NTM: variants seen among roughly 807,000 people sequenced by gnomAD.
The protein encoded by NTM is neurotrimin, also known as IgLON family member 2.
NTM carries 13 observed loss-of-function variants against 42.1 expected under a neutral mutation model. The observed-to-expected ratio is 0.31, with a 90% CI of 0.20 to 0.49. The LOEUF (loss-of-function observed/expected upper bound fraction) is 0.49, where lower values mean the gene tolerates loss of function less well. NTM is among the 20% of genes least tolerant of loss of function. The probability of loss-of-function intolerance (pLI) is 0.99; values close to 1 mark genes in which losing one functional copy is unlikely to be tolerated. For missense variants in NTM, 373 were observed against 452.8 expected (o/e 0.82, Z 1.60); for synonymous variants, 187 against 179.2 (o/e 1.04, Z -0.35).
chr11:131,789,647 A>AGAAGAAGAAGAG (rs2090523747), intron 1 of NTM, among the ~76,000 whole-genome samples: 1 of 135,456 alleles, frequency 7.4e-6, no homozygotes, highest in African/African-American at 2.8e-5. Flanking sequence ...AAGAAGAAGA[A>AGAAGAAGAAGAG]GAAGAAGAAG....
chr11:132,327,992 T>C (rs1366699594), intron 7 of NTM, among the ~76,000 whole-genome samples: 2 of 152,080 alleles, frequency 1.3e-5, no homozygotes, highest in African/African-American at 4.8e-5. Flanking sequence ...TTTTCAGGGA[T>C]TGTTTATGTT....
intron 2 of NTM, among the ~76,000 whole-genome samples, chr11:131,929,506 C>T (rs142304575): frequency 7.1e-6 from 1 of 140,316 alleles, no homozygotes; most frequent in Non-Finnish European, 1.6e-5. Context: ...AAAAACTTTC[C>T]GTTTTTTTTG....
intron 2 of NTM, among the ~76,000 whole-genome samples, chr11:132,063,582 G>A (rs776840987): frequency 2.0e-4 from 30 of 152,156 alleles, no homozygotes; most frequent in African/African-American, 3.4e-4. Flanking sequence ...TACTGGAATC[G>A]TGTGTCTCCC....
At chr11:132,056,701 C>T (rs1237842143) in intron 2 of NTM, among the ~76,000 whole-genome samples, 1 of 152,202 alleles carries the variant, frequency 6.6e-6, no homozygotes, top group Non-Finnish European at 1.5e-5. Context: ...CCCACCTTGC[C>T]TGACAGTTTG....
At chr11:132,299,408 G>A (rs1274164519) in intron 4 of NTM, among the ~76,000 whole-genome samples, 2 of 152,170 alleles carry the variant, frequency 1.3e-5, no homozygotes, top group Non-Finnish European at 2.9e-5. Flanking sequence ...TGCAAAAGAA[G>A]GTATGGCAAG....
intron 1 of NTM, among the ~76,000 whole-genome samples, chr11:131,788,189 T>C (rs1283325268): frequency 6.6e-5 from 10 of 152,156 alleles, no homozygotes. Flanking sequence ...ATTTTGTTGT[T>C]CTTTCTGTAA....
intron 1 of NTM, among the ~76,000 whole-genome samples, chr11:131,798,233 C>T (rs780852370): frequency 1.3e-5 from 2 of 152,178 alleles, no homozygotes; most frequent in African/African-American, 2.4e-5. Context: ...CATGGGCTGC[C>T]GTCTGCAGGC....
chr11:131,495,268 C>T (rs1955218136), intron 1 of NTM, among the ~76,000 whole-genome samples: 1 of 152,176 alleles, frequency 6.6e-6, no homozygotes, highest in South Asian at 2.1e-4. Context: ...ATCCTGCTGT[C>T]GGTAGTCCTC....
chr11:131,465,577 G>A (rs1951805529), intron 1 of NTM, among the ~76,000 whole-genome samples: 1 of 152,154 alleles, frequency 6.6e-6, no homozygotes, highest in South Asian at 2.1e-4. Context: ...TGAGGCCTAA[G>A]CCCCTGGGAT....
intron 2 of NTM, among the ~76,000 whole-genome samples, chr11:132,042,896 C>G (rs2077393348): frequency 6.6e-6 from 1 of 152,032 alleles, no homozygotes; most frequent in African/African-American, 2.4e-5. Flanking sequence ...ATCTTATATC[C>G]CTGGTTTGTA....
intron 1 of NTM, among the ~76,000 whole-genome samples, chr11:131,528,257 T>C (rs2136642854): frequency 6.6e-6 from 1 of 152,298 alleles, no homozygotes; most frequent in Non-Finnish European, 1.5e-5. Flanking sequence ...TCAATAGAAT[T>C]CATGTAAGTT....
chr11:132,263,345 C>A (rs2092986077), intron 4 of NTM, among the ~76,000 whole-genome samples: 1 of 152,216 alleles, frequency 6.6e-6, no homozygotes, highest in African/African-American at 2.4e-5. Flanking sequence ...AAGAATTGCA[C>A]ACATTCATAG....
At chr11:132,023,840 A>T (rs2074767819) in intron 2 of NTM, among the ~76,000 whole-genome samples, 1 of 149,998 alleles carries the variant, frequency 6.7e-6, no homozygotes, top group Non-Finnish European at 1.5e-5. Flanking sequence ...TGTTGTTGAG[A>T]TGGAGTCTCA....
At chr11:132,249,260 G>A (rs567446854) in intron 4 of NTM, among the ~76,000 whole-genome samples, 5 of 152,208 alleles carry the variant, frequency 3.3e-5, no homozygotes, top group East Asian at 1.9e-4. Flanking sequence ...AAAATAAATC[G>A]TGTGTGTGTG....
intron 2 of NTM, among the ~76,000 whole-genome samples, chr11:132,131,688 G>C (rs1307782900): frequency 1.3e-5 from 2 of 152,162 alleles, no homozygotes; most frequent in African/African-American, 4.8e-5. Context: ...AACTCTTTGA[G>C]CTTCATCCTG....
At chr11:131,695,953 C>T (rs376191678) in intron 1 of NTM, among the ~76,000 whole-genome samples, 3 of 152,084 alleles carry the variant, frequency 2.0e-5, no homozygotes, top group African/African-American at 4.8e-5. Flanking sequence ...GTATGTGTGC[C>T]GCTCAAAGGA....
At chr11:132,023,305 ATGT>A (rs1229694459) in intron 2 of NTM, among the ~76,000 whole-genome samples, 2 of 152,214 alleles carry the variant, frequency 1.3e-5, no homozygotes, top group African/African-American at 4.8e-5. Context: ...AGCCAAAATA[ATGT>A]TGGAAAATTA....
chr11:131,542,943 C>T (rs1271780818), intron 1 of NTM, among the ~76,000 whole-genome samples: 1 of 152,298 alleles, frequency 6.6e-6, no homozygotes, highest in East Asian at 1.9e-4. Context: ...CACAGTGATT[C>T]CCAAAACAAT....
chr11:132,146,113 A>AAACAT lies in NTM; in HGVS notation c.168-168_168-167insACATA. On this transcript the variant is annotated intron_variant, in intron 2 of 8. Transcript: ENST00000683400. This position sits in a 1 kb window ranked among gnomAD's most constrained non-coding sequence, Gnocchi z 4.5. ...CAACATTCTGAGGCTGTAATCCCAT[A>AAACAT]AGACCTTTGCTGTGTTCCAGAAAAG... 1 of 539,790 alleles carries AAACAT rather than the reference A, an allele frequency of 1.9e-6. No individual in the cohort carries two copies. The highest frequency in any genetic ancestry group is 2.1e-5 in the African/African-American group (1 of 48,474). The allele number at this position is 539,790 out of a possible 1,614,324, so 33.4% of individuals were successfully genotyped here.
Sources: allele counts gnomAD v4.1 joint callset (sites outside exome capture counted in the v4.1 genomes callset), GRCh38; gene constraint gnomAD v4.1.1; non-coding constraint Gnocchi (gnomAD v3.1); transcripts MANE v1.5; gene names NCBI Gene and HGNC (gene_info 2026-07-23, HGNC 2026-07-21).